The following PSMC1 variants were observed in gnomAD, a reference collection of about 807,000 sequenced individuals.
The protein encoded by PSMC1 is proteasome 26S subunit, ATPase 1, also known as 26S proteasome regulatory subunit 4.
A neutral mutation model predicts 49.8 loss-of-function variants in PSMC1; 5 were observed. The observed-to-expected ratio is 0.10, with a 90% CI of 0.05 to 0.21. The LOEUF (loss-of-function observed/expected upper bound fraction) is 0.21. Ranked by LOEUF, PSMC1 falls within the 10% of genes least tolerant of loss-of-function variation. PSMC1 has a pLI of 1.00. For synonymous variants in PSMC1, 155 were observed against 192.1 expected (o/e 0.81, Z 1.60); for missense variants, 181 against 535.7 (o/e 0.34, Z 6.54).
At position 90,260,156 on chromosome 14, in the gene PSMC1, G is replaced by A. The variant is rs760665895; in HGVS notation, c.99G>A (p.Val33=). ...ATGAACCTCCTGTACCAACTAGAGT[G>A]GGGAAAAAGAAGAAGAAAACAAAGG... is the stretch of plus-strand genomic sequence containing the variant. ...KKYEPPVPTR[V]GKKKKKTKGP... Residue 33 remains valine, a synonymous_variant, in exon 3 of 11, where the codon GTG becomes GTA. Coordinates refer to ENST00000261303, the MANE Select transcript of PSMC1 (RefSeq NM_002802.3). The A allele has an allele frequency of 1.7e-5, 27 of 1,611,304 alleles. No homozygotes were observed. In the East Asian group the frequency reaches 6.0e-4, roughly 36 times the overall value.
rs746645768 is a variant in PSMC1, at chr14:90,275,379, C to T, written c.*2972C>T. 6.6e-6 allele frequency: 1 copy of T among 152,098 alleles called. No homozygotes were observed. The highest frequency in any genetic ancestry group is 2.4e-5 in the African/African-American group (1 of 41,416). 9.4% of individuals were successfully genotyped at this position (152,098 alleles called of 1,614,324 possible). ...GTTCAGGAAACAAAATTCTTTGTAA[C>T]GCACTTGCATCTTTTCCTAAGTTTG... On this transcript the variant is annotated 3_prime_UTR_variant, in exon 11 of 11. Coordinates refer to ENST00000261303, the MANE Select transcript of PSMC1 (RefSeq NM_002802.3).
At chr14:90,270,425 TG>T (rs1891631613) in intron 10 of PSMC1, 73 bp downstream of exon 10, 2 of 1,506,060 alleles carry the variant, frequency 1.3e-6, no homozygotes, top group African/African-American at 1.4e-5. Flanking sequence ...TATGTGCTCT[TG>T]GGATGGTGGT....
chr14:90,258,584 G>A (rs1335420462), intron 1 of PSMC1, among the ~76,000 whole-genome samples: 1 of 152,182 alleles, frequency 6.6e-6, no homozygotes, highest in Non-Finnish European at 1.5e-5. Flanking sequence ...AACACCTTAA[G>A]GTGATGGAGC....
chr14:90,256,746 C>A, intron 1 of PSMC1, 146 bp downstream of exon 1: 2 of 1,333,432 alleles, frequency 1.5e-6, no homozygotes, highest in Non-Finnish European at 2.1e-6. Flanking sequence ...CGGGTGGAGG[C>A]TCCCAGAGAC....
At position 90,268,362 on chromosome 14, in the gene PSMC1, A is replaced by G; in HGVS notation, c.830A>G (p.His277Arg). The G allele has an allele frequency of 2.5e-6, 4 of 1,613,834 alleles. No individual in the cohort carries two copies. Among genetic ancestry groups the G allele is most frequent in the Non-Finnish European group, 3.4e-6 (4 of 1,179,850 alleles). Residue 277 changes from histidine (H) to arginine (R), a missense_variant, in exon 8 of 11, where the codon CAT (histidine) becomes CGT (arginine). This residue lies in a region of PSMC1 where 121 missense variants were observed against 358.6 expected (regional missense o/e 0.34). Coordinates refer to ENST00000261303, the MANE Select transcript of PSMC1 (RefSeq NM_002802.3). ...VRELFRVAEE[H>R]APSIVFIDEI... ...GAATTGTTCCGAGTTGCTGAAGAAC[A>G]TGCACCGTCCATCGTGTTTATTGAT...
In PSMC1 at chr14:90,269,388, T is replaced by TC; in HGVS notation, c.882-9_882-8insC. On this transcript the variant is annotated splice_polypyrimidine_tract_variant and intron_variant, in intron 8 of 10. Transcript: ENST00000261303. ...AGTCTTCATTCCTTCCCTTTTTTTT[T>TC]TTCCAAAGATATGACTCCAATTCTG... is the stretch of plus-strand genomic sequence containing the variant. 6.3e-7 allele frequency: 1 copy of TC among 1,597,054 alleles called. No homozygotes were observed. The highest frequency in any genetic ancestry group is 1.1e-5 in the South Asian group (1 of 88,206).
In PSMC1 at chr14:90,263,642, C is replaced by G. The variant is rs568973877; in HGVS notation, c.280-20C>G. On this transcript the variant is annotated intron_variant, in intron 4 of 10. Transcript: ENST00000261303. ...TTTGAGGTCTAGTCTGCTTTTTTCC[C>G]TTGGCATTTTCATATGTAGGAGGAA... The G allele has an allele frequency of 5.0e-5, 81 of 1,608,332 alleles. No individual in the cohort carries two copies. In the South Asian group the frequency reaches 8.6e-4, roughly 17 times the overall value.
In PSMC1 at chr14:90,273,980, ATCT is replaced by A. The variant is rs34512486; in HGVS notation, c.*1578_*1580del. On this transcript the variant is annotated 3_prime_UTR_variant, in exon 11 of 11. Transcript: ENST00000261303. Reference sequence around the variant, plus strand: ...TAATTTCCCTGTTTTAAAGTTTACAATCTTCTTAATTTTTATCTGCAAAGTTCC... The same window carrying A: ...TAATTTCCCTGTTTTAAAGTTTACAATCTTAATTTTTATCTGCAAAGTTCC... 0.34 allele frequency: 52,846 copies of A among 154,636 alleles called. 9,781 individuals carry two copies. The highest frequency in any genetic ancestry group is 0.51 in the East Asian group (2,637 of 5,146). The allele number at this position is 154,636 out of a possible 1,614,324, so 9.6% of individuals were successfully genotyped here.
intron 1 of PSMC1, among the ~76,000 whole-genome samples, chr14:90,257,544 A>C (rs946654884): frequency 6.6e-6 from 1 of 152,198 alleles, no homozygotes; most frequent in Non-Finnish European, 1.5e-5. Flanking sequence ...CTGAGATGGG[A>C]ATGTTTAACC....
chr14:90,272,987 A>G lies in PSMC1; in HGVS notation c.*580A>G, dbSNP rs1471614314. 1 of 152,210 alleles carries G rather than the reference A, an allele frequency of 6.6e-6. No homozygotes were observed. Among genetic ancestry groups the G allele is most frequent in the Non-Finnish European group, 1.5e-5 (1 of 68,058 alleles). The allele number at this position is 152,210 out of a possible 1,614,324, so 9.4% of individuals were successfully genotyped here. On this transcript the variant is annotated 3_prime_UTR_variant, in exon 11 of 11. Transcript: ENST00000261303. The surrounding 1 kb of genome is among the most constrained non-coding windows in gnomAD (Gnocchi z 4.5). Reference sequence around the variant, plus strand: ...TGTTCCCAAGAGACTGAGGATTCCTAGAGATATCTTGAAAGCCCTTCTGAG... The same window carrying G: ...TGTTCCCAAGAGACTGAGGATTCCTGGAGATATCTTGAAAGCCCTTCTGAG...
rs966404666 is a variant in PSMC1 at position 90,272,079 on chromosome 14, A to G, written c.1189-194A>G. 7 of 428,664 alleles carry G rather than the reference A, an allele frequency of 1.6e-5. No individual in the cohort carries two copies. The highest frequency in any genetic ancestry group is 1.5e-4 in the African/African-American group (7 of 47,004). 26.6% of individuals were successfully genotyped at this position (428,664 alleles called of 1,614,324 possible). A position where few individuals can be genotyped will look rare whatever the true frequency, so the allele number is the denominator to read the frequency against. ...GGCTAACTTTTTGTATTTTTAGTAG[A>G]GATGGGGTTTCACCGTGTTGGCCAG... On this transcript the variant is annotated intron_variant, in intron 10 of 10. Transcript: ENST00000261303. The surrounding 1 kb of genome is among the most constrained non-coding windows in gnomAD (Gnocchi z 4.5).
Position 90,263,764 on chromosome 14 carries a change from G to T in PSMC1, c.382G>T (p.Gly128Cys), listed in dbSNP as rs1891450541. 1 of 1,613,134 alleles carries T rather than the reference G, an allele frequency of 6.2e-7. No individual in the cohort carries two copies. Among genetic ancestry groups the T allele is most frequent in the African/African-American group, 1.3e-5 (1 of 74,890 alleles). ...DNHAIVSTSV[G>C]SEHYVSILSF... ...TCATGCCATCGTGTCTACATCTGTG[G>T]GCTCAGAACACTACGTCAGCATTCT... The change falls in exon 5 of 11, where the codon GGC becomes TGC. Residue 128 changes from glycine (G) to cysteine (C), a missense_variant. Gly to Cys is a radical substitution (Grantham distance 159). Transcript: ENST00000261303.
chr14:90,262,781 C>T (rs910383064), intron 3 of PSMC1, among the ~76,000 whole-genome samples: 3 of 149,578 alleles, frequency 2.0e-5, no homozygotes, highest in East Asian at 1.9e-4. Flanking sequence ...AACAAGACTC[C>T]GTCTCAAAAA....
intron 3 of PSMC1, among the ~76,000 whole-genome samples, chr14:90,260,883 C>T (rs890516426): frequency 1.3e-5 from 2 of 152,204 alleles, no homozygotes; most frequent in African/African-American, 4.8e-5. Context: ...GAGCAAGACT[C>T]TGTCTCAAAA....
chr14:90,266,437 T>TA (rs1375888505), intron 7 of PSMC1, among the ~76,000 whole-genome samples: 3 of 152,196 alleles, frequency 2.0e-5, no homozygotes, highest in Non-Finnish European at 4.4e-5. Flanking sequence ...GAGACACCTG[T>TA]ACCCAGAGGC....
intron 7 of PSMC1, chr14:90,267,888 G>T: frequency 4.8e-6 from 1 of 207,522 alleles, no homozygotes. Flanking sequence ...TTCATTACTG[G>T]AATGAAGCAA....
In PSMC1 at chr14:90,273,819, C is replaced by CCTGA. The variant is rs904793431; in HGVS notation, c.*1415_*1418dup. On this transcript the variant is annotated 3_prime_UTR_variant, in exon 11 of 11. Transcript: ENST00000261303. ...CCAGTCTGTGAAGGCCACCCTCCCT[C>CCTGA]CTGACTCGTGGCACTTCATTTTCCA... The CCTGA allele has an allele frequency of 1.3e-5, 2 of 154,856 alleles. No homozygotes were observed. The highest frequency in any genetic ancestry group is 4.8e-5 in the African/African-American group (2 of 41,536). 9.6% of individuals were successfully genotyped at this position (154,856 alleles called of 1,614,324 possible). A position where few individuals can be genotyped will look rare whatever the true frequency, so the allele number is the denominator to read the frequency against.
chr14:90,269,725 G>C, intron 9 of PSMC1, 177 bp downstream of exon 9: 5 of 598,510 alleles, frequency 8.4e-6, no homozygotes, highest in Non-Finnish European at 1.4e-5. Context: ...GCATGATATG[G>C]TCTGTGCACC....
intron 6 of PSMC1, 108 bp downstream of exon 6, chr14:90,264,277 G>A: frequency 6.8e-7 from 1 of 1,467,922 alleles, no homozygotes. Context: ...AATCAAACCA[G>A]TAGCTGAGTC....
Sources: allele counts gnomAD v4.1 joint callset (sites outside exome capture counted in the v4.1 genomes callset), GRCh38; gene constraint gnomAD v4.1.1; regional missense constraint gnomAD v4.1.1; non-coding constraint Gnocchi (gnomAD v3.1); transcripts MANE v1.5; gene names NCBI Gene and HGNC (gene_info 2026-07-23, HGNC 2026-07-21).